Variants in SPAG16 observed in about 807,000 individuals in gnomAD.
SPAG16 encodes sperm associated antigen 16.
SPAG16 carries 86 observed loss-of-function variants against 80.4 expected under a neutral mutation model. The ratio of observed to expected loss-of-function variants is 1.07; its 90% CI spans 0.90 to 1.28. SPAG16 has a LOEUF of 1.28. Ranked by LOEUF, SPAG16 falls within the 50% of genes most tolerant of loss-of-function variation. The probability of loss-of-function intolerance (pLI) is 0.00; values close to 1 mark genes in which losing one functional copy is unlikely to be tolerated. For missense variants in SPAG16, 870 were observed against 765.3 expected, an observed-to-expected ratio of 1.14 and a Z score of -1.61; for synonymous variants, 294 against 265.9, an observed-to-expected ratio of 1.11 and a Z score of -1.03.
rs79996969 is a variant in SPAG16, at chr2:213,883,998, C to T, written c.1214+21370C>T. On this transcript the variant is annotated intron_variant, in intron 11 of 15. Transcript: ENST00000331683. ...TGCCTTTTAAGTGGGGTGTTTAGCC[C>T]ATTTACATTCGGGATTAGTATGGAT... 7.6e-3 allele frequency among the ~76,000 whole-genome samples: 1,159 copies of T among 152,150 alleles called. 11 individuals are homozygous for T. The highest frequency in any genetic ancestry group is 0.026 in the African/African-American group (1,083 of 41,526).
chr2:213,419,840 G>C (rs924955803), intron 9 of SPAG16, among the ~76,000 whole-genome samples: 15 of 152,154 alleles, frequency 9.9e-5, no homozygotes, highest in African/African-American at 3.4e-4. Flanking sequence ...AGATCCGTAT[G>C]AACAAGTAGT....
intron 9 of SPAG16, among the ~76,000 whole-genome samples, chr2:213,410,203 C>T (rs1233608756): frequency 6.6e-6 from 1 of 152,214 alleles, no homozygotes; most frequent in African/African-American, 2.4e-5. Context: ...AACTCTCTTT[C>T]ATCTATTCTA....
intron 13 of SPAG16, among the ~76,000 whole-genome samples, chr2:214,042,341 G>C (rs1405784066): frequency 6.6e-6 from 1 of 151,766 alleles, no homozygotes; most frequent in Non-Finnish European, 1.5e-5. Flanking sequence ...AAAAGTTATT[G>C]TGGTTTTTGC....
intron 10 of SPAG16, among the ~76,000 whole-genome samples, chr2:213,843,544 C>T (rs147162361): frequency 6.6e-6 from 1 of 152,258 alleles, no homozygotes; most frequent in African/African-American, 2.4e-5. Context: ...TTTTCTAATG[C>T]AGAGAGTCAA....
At chr2:214,202,587 C>T (rs2058039919) in intron 15 of SPAG16, among the ~76,000 whole-genome samples, 1 of 152,076 alleles carries the variant, frequency 6.6e-6, no homozygotes, top group South Asian at 2.1e-4. Flanking sequence ...GATTGAAGCC[C>T]CAAAATCCAT....
At chr2:213,715,449 G>C (rs2066199166) in intron 10 of SPAG16, among the ~76,000 whole-genome samples, 1 of 152,140 alleles carries the variant, frequency 6.6e-6, no homozygotes, top group African/African-American at 2.4e-5. Flanking sequence ...ACCATGAACT[G>C]TAAGTGGCTA....
At chr2:214,152,716 A>C (rs2125579762) in intron 15 of SPAG16, among the ~76,000 whole-genome samples, 1 of 152,246 alleles carries the variant, frequency 6.6e-6, no homozygotes, top group South Asian at 2.1e-4. Context: ...ATTGGATACA[A>C]AGCAAAAGGG....
At chr2:213,632,428 G>C (rs2062191265) in intron 10 of SPAG16, among the ~76,000 whole-genome samples, 1 of 152,088 alleles carries the variant, frequency 6.6e-6, no homozygotes, top group Non-Finnish European at 1.5e-5. Flanking sequence ...AGGATAATTT[G>C]ACTTCTTCCT....
intron 12 of SPAG16, among the ~76,000 whole-genome samples, chr2:214,011,018 AAAGT>A (rs1431207988): frequency 6.9e-6 from 1 of 145,830 alleles, no homozygotes; most frequent in Non-Finnish European, 1.5e-5. Context: ...TTGTAGTAAG[AAAGT>A]ATCTACGTGA....
At chr2:213,437,580 C>A (rs1364913902) in intron 9 of SPAG16, among the ~76,000 whole-genome samples, 2 of 152,088 alleles carry the variant, frequency 1.3e-5, no homozygotes, top group Non-Finnish European at 2.9e-5. Flanking sequence ...ACTTCAATGC[C>A]CTCACAAATG....
At chr2:213,356,365 T>G (rs2065650785) in intron 7 of SPAG16, among the ~76,000 whole-genome samples, 1 of 152,222 alleles carries the variant, frequency 6.6e-6, no homozygotes, top group Non-Finnish European at 1.5e-5. Flanking sequence ...TGGCTGTGAA[T>G]CTGTCTGATC....
intron 10 of SPAG16, among the ~76,000 whole-genome samples, chr2:213,633,006 C>G (rs964157739): frequency 3.3e-5 from 5 of 152,086 alleles, no homozygotes; most frequent in Non-Finnish European, 7.4e-5. Flanking sequence ...TGGAAGTACT[C>G]CCACCTTTGT....
intron 13 of SPAG16, among the ~76,000 whole-genome samples, chr2:214,053,680 A>G (rs1048872580): frequency 6.6e-6 from 1 of 152,206 alleles, no homozygotes; most frequent in African/African-American, 2.4e-5. Flanking sequence ...GTCCAGGCTA[A>G]CACAGCTTCG....
rs535652497 is a variant in SPAG16, at chr2:213,641,681, C to T, written c.1070+151591C>T. ...ACTTGGCTCTCTAATTTTGTTTCAG[C>T]TCTTGGTAAGGGTAAATTATTCTCT... On this transcript the variant is annotated intron_variant, in intron 10 of 15. Coordinates refer to ENST00000331683, the MANE Select transcript of SPAG16 (RefSeq NM_024532.5). Among the ~76,000 whole-genome samples the T allele has an allele frequency of 7.2e-5, 11 of 152,316 alleles. No homozygotes were observed. In the South Asian group the frequency reaches 2.3e-3, roughly 32 times the overall value.
At chr2:213,643,921 C>T (rs556870839) in intron 10 of SPAG16, among the ~76,000 whole-genome samples, 3 of 151,416 alleles carry the variant, frequency 2.0e-5, no homozygotes, top group South Asian at 4.2e-4. Context: ...GCTGGGATTA[C>T]AGGCGCACAC....
chr2:213,504,709 T>C (rs2074889572), intron 10 of SPAG16, among the ~76,000 whole-genome samples: 2 of 152,250 alleles, frequency 1.3e-5, no homozygotes, highest in South Asian at 4.1e-4. Flanking sequence ...TAAAACTGTA[T>C]GTTCTATGAA....
At chr2:213,812,237 T>C (rs2072206668) in intron 10 of SPAG16, among the ~76,000 whole-genome samples, 1 of 152,104 alleles carries the variant, frequency 6.6e-6, no homozygotes, top group African/African-American at 2.4e-5. Context: ...AGGACCAGGA[T>C]ACTGGAATAA....
intron 13 of SPAG16, among the ~76,000 whole-genome samples, chr2:214,048,734 AT>A (rs2049475758): frequency 6.6e-6 from 1 of 152,192 alleles, no homozygotes; most frequent in Non-Finnish European, 1.5e-5. Context: ...AACACAAAGA[AT>A]AAATGCTTGA....
intron 10 of SPAG16, among the ~76,000 whole-genome samples, chr2:213,834,210 C>T (rs2073956880): frequency 6.6e-6 from 1 of 152,114 alleles, no homozygotes; most frequent in Non-Finnish European, 1.5e-5. Context: ...ACCTCTTTTT[C>T]TTCCCATTCT....
Sources: allele counts gnomAD v4.1 joint callset (sites outside exome capture counted in the v4.1 genomes callset), GRCh38; gene constraint gnomAD v4.1.1; transcripts MANE v1.5; gene names NCBI Gene and HGNC (gene_info 2026-07-23, HGNC 2026-07-21).